Variants in NRXN3 observed in about 807,000 individuals in gnomAD.
The protein encoded by NRXN3 is neurexin III.
Under a neutral mutation model 137.6 loss-of-function variants are expected in NRXN3, and 32 were observed. That is an observed-to-expected ratio of 0.23 (90% confidence interval 0.18 to 0.31). The LOEUF (loss-of-function observed/expected upper bound fraction) is 0.31. NRXN3 is among the 10% of genes least tolerant of loss of function. The pLI, the probability that NRXN3 is intolerant of heterozygous loss-of-function variation, is 1.00. For synonymous variants in NRXN3, 798 were observed against 784.5 expected, an observed-to-expected ratio of 1.02 and a Z score of -0.29; for missense variants, 1,574 against 2,062.5, an observed-to-expected ratio of 0.76 and a Z score of 4.59.
chr14:78,563,381 G>A (rs1375923911), intron 4 of NRXN3, among the ~76,000 whole-genome samples: 5 of 152,214 alleles, frequency 3.3e-5, no homozygotes, highest in African/African-American at 9.6e-5. Flanking sequence ...AACGGAAATA[G>A]GTTTGATGAA....
At chr14:79,340,683 C>T (rs556212118) in intron 15 of NRXN3, among the ~76,000 whole-genome samples, 4 of 152,156 alleles carry the variant, frequency 2.6e-5, no homozygotes, top group Non-Finnish European at 4.4e-5. Context: ...AGGCTGGTCT[C>T]GAATTCTCGA....
At chr14:78,816,607 A>G (rs1455545118) in intron 10 of NRXN3, among the ~76,000 whole-genome samples, 2 of 152,180 alleles carry the variant, frequency 1.3e-5, no homozygotes, top group African/African-American at 4.8e-5. Context: ...AAAATGTAAG[A>G]AGTATATACT....
At chr14:79,496,392 T>C (rs1378164191) in intron 16 of NRXN3, among the ~76,000 whole-genome samples, 3 of 152,010 alleles carry the variant, frequency 2.0e-5, no homozygotes, top group Non-Finnish European at 2.9e-5. Context: ...TGAAAATAGA[T>C]TCCCCCTGGA....
chr14:78,537,462 A>AT (rs1479949045), intron 4 of NRXN3, among the ~76,000 whole-genome samples: 1 of 151,758 alleles, frequency 6.6e-6, no homozygotes, highest in Admixed American at 6.6e-5. Flanking sequence ...GGGTTGTTTG[A>AT]TTTTTCTTGT....
At chr14:79,637,083 G>C (rs550996154) in intron 16 of NRXN3, among the ~76,000 whole-genome samples, 1 of 152,280 alleles carries the variant, frequency 6.6e-6, no homozygotes, top group African/African-American at 2.4e-5. Context: ...GAGCCAGAAA[G>C]CCTGGGTGTA....
At chr14:78,266,979 C>T (rs2071857748) in intron 2 of NRXN3, among the ~76,000 whole-genome samples, 1 of 152,152 alleles carries the variant, frequency 6.6e-6, no homozygotes, top group Non-Finnish European at 1.5e-5. Context: ...GGGAGGCATT[C>T]AGTTGAATGC....
At chr14:79,631,339 C>A (rs2098342963) in intron 16 of NRXN3, among the ~76,000 whole-genome samples, 1 of 152,264 alleles carries the variant, frequency 6.6e-6, no homozygotes, top group South Asian at 2.1e-4. Context: ...GCCTCCTCGG[C>A]CTCAGCGTCT....
At chr14:78,544,552 T>C (rs988825732) in intron 4 of NRXN3, among the ~76,000 whole-genome samples, 3 of 152,228 alleles carry the variant, frequency 2.0e-5, no homozygotes, top group Non-Finnish European at 2.9e-5. Flanking sequence ...CAAATAGCCC[T>C]AGACTTTATA....
chr14:79,766,100 A>G (rs1191951542), intron 19 of NRXN3, among the ~76,000 whole-genome samples: 1 of 152,188 alleles, frequency 6.6e-6, no homozygotes, highest in Non-Finnish European at 1.5e-5. Flanking sequence ...CCTATTGTTG[A>G]ATACTTGATC....
At chr14:78,294,713 G>A (rs147479977) in intron 3 of NRXN3, among the ~76,000 whole-genome samples, 198 of 152,224 alleles carry the variant, frequency 1.3e-3, no homozygotes, top group African/African-American at 4.2e-3. Context: ...CTTTCCTAGC[G>A]TCACAAGTTA....
rs149322211 is a variant in NRXN3 at position 78,447,445 on chromosome 14, G to A, written c.757+149585G>A. On this transcript the variant is annotated intron_variant, in intron 4 of 20. Transcript: ENST00000335750. ...CAGATAAATGCACTGGAGGAAGAAAGAAATAACTTTTTTAATATGTTGTTT... is the reference window on the plus strand; with the variant it reads ...CAGATAAATGCACTGGAGGAAGAAAAAAATAACTTTTTTAATATGTTGTTT... Among the ~76,000 whole-genome samples, 11 of 152,320 alleles carry A rather than the reference G, an allele frequency of 7.2e-5. No individual in the cohort carries two copies. The East Asian group carries it at 2.1e-3, about 29-fold the overall frequency.
At chr14:78,380,742 CAG>C (rs547221066) in intron 4 of NRXN3, among the ~76,000 whole-genome samples, 88 of 151,610 alleles carry the variant, frequency 5.8e-4, no homozygotes, top group Admixed American at 4.7e-3. Flanking sequence ...ACAGTAGTCA[CAG>C]ACACTAATAC....
rs563402047 is a variant in NRXN3 at position 79,328,820 on chromosome 14, G to A, written c.3263-138401G>A. Reference sequence around the variant, plus strand: ...ACCAGAAAACTGGACACACTGCACAGATTAACTCACCTGTTTTTATTTATT... The same window carrying A: ...ACCAGAAAACTGGACACACTGCACAAATTAACTCACCTGTTTTTATTTATT... On this transcript the variant is annotated intron_variant, in intron 15 of 20. Transcript: ENST00000335750. 6.6e-5 allele frequency among the ~76,000 whole-genome samples: 10 copies of A among 152,280 alleles called. No homozygotes were observed. The South Asian group carries it at 1.2e-3, about 19-fold the overall frequency.
chr14:78,693,413 G>A lies in NRXN3; in HGVS notation c.1222-15804G>A, dbSNP rs184991731. Among the ~76,000 whole-genome samples, 233 of 151,706 alleles carry A rather than the reference G, an allele frequency of 1.5e-3. 2 individuals carry two copies. The highest frequency in any genetic ancestry group is 5.5e-3 in the African/African-American group (226 of 41,334). On this transcript the variant is annotated intron_variant, in intron 6 of 20. Transcript: ENST00000335750. The stretch of plus-strand genomic sequence containing the variant: ...GTTCTCATAAAACTTGTTTTGTTTT[G>A]TTTTGTTTTTTCCCCCACTGCTCAA...
At chr14:78,926,753 A>AT (rs2099296419) in intron 10 of NRXN3, among the ~76,000 whole-genome samples, 1 of 55,062 alleles carries the variant, frequency 1.8e-5, no homozygotes, top group Non-Finnish European at 2.8e-5. Flanking sequence ...ATTATATATT[A>AT]TATATATATT....
At chr14:78,563,867 G>A (rs746983712) in intron 4 of NRXN3, among the ~76,000 whole-genome samples, 2 of 152,202 alleles carry the variant, frequency 1.3e-5, no homozygotes, top group East Asian at 1.9e-4. Context: ...TCTGAGGAAT[G>A]GGATCATGGG....
At chr14:79,501,133 C>T (rs908724828) in intron 16 of NRXN3, among the ~76,000 whole-genome samples, 8 of 152,022 alleles carry the variant, frequency 5.3e-5, no homozygotes, top group Non-Finnish European at 5.9e-5. Flanking sequence ...GATTATCAGG[C>T]GAAGTTTGGG....
At chr14:78,727,053 A>G (rs1375643030) in intron 8 of NRXN3, among the ~76,000 whole-genome samples, 4 of 151,886 alleles carry the variant, frequency 2.6e-5, no homozygotes, top group Non-Finnish European at 5.9e-5. Context: ...CTTCTCTACA[A>G]TAGACCTTCA....
At chr14:79,569,628 TGTGAGAGA>T (rs1349043430) in intron 16 of NRXN3, among the ~76,000 whole-genome samples, 2,861 of 147,034 alleles carry the variant, frequency 0.019, 95 homozygotes, top group African/African-American at 0.069. Flanking sequence ...TGTGTGTGTG[TGTGAGAGA>T]GAGAGAGAGA....
Sources: allele counts gnomAD v4.1 joint callset (sites outside exome capture counted in the v4.1 genomes callset), GRCh38; gene constraint gnomAD v4.1.1; transcripts MANE v1.5; gene names NCBI Gene and HGNC (gene_info 2026-07-23, HGNC 2026-07-21).